SMC2: variants seen among roughly 807,000 people sequenced by gnomAD.
SMC2 encodes structural maintenance of chromosomes protein 2.
A neutral mutation model predicts 142.6 loss-of-function variants in SMC2; 41 were observed. That is an observed-to-expected ratio of 0.29 (90% CI 0.22 to 0.37). The LOEUF is 0.37. SMC2 is among the 10% of genes least tolerant of loss of function. The pLI is 1.00. For synonymous variants in SMC2, 463 were observed against 457.5 expected (o/e 1.01, Z -0.15); for missense variants, 1,265 against 1,373.7 (o/e 0.92, Z 1.25).
chr9:104,097,297 G>T (rs1458163132), intron 3 of SMC2, among the ~76,000 whole-genome samples: 1 of 150,738 alleles, frequency 6.6e-6, no homozygotes, highest in African/African-American at 2.4e-5. Flanking sequence ...TAGTAGAGAC[G>T]GGATTTCGCT....
intron 9 of SMC2, among the ~76,000 whole-genome samples, chr9:104,105,096 AGTT>A (rs374700713): frequency 2.6e-5 from 4 of 152,366 alleles, no homozygotes; most frequent in African/African-American, 9.6e-5. Flanking sequence ...GGTTTAGAGC[AGTT>A]GTCTAAAACA....
Position 104,120,080 on chromosome 9 carries a change from G to A in SMC2, c.2050G>A (p.Val684Ile), listed in dbSNP as rs780902402. The A allele has an allele frequency of 8.7e-6, 14 of 1,613,874 alleles. No individual in the cohort carries two copies. Among genetic ancestry groups the A allele is most frequent in the Non-Finnish European group, 5.1e-6 (6 of 1,179,940 alleles). The change falls in exon 16 of 25, where the codon GTT (valine) becomes ATT (isoleucine). Residue 684 changes from valine (V) to isoleucine (I), a missense_variant. By Grantham distance (29) the Val-to-Ile change is conservative. Transcript: ENST00000374793. ...ILTKFQELKD[V>I]QDELRIKENE... is the part of the protein sequence containing the mutation. ...AACCAAGTTTCAAGAACTCAAAGAT[G>A]TTCAGGATGAACTGAGAATCAAAGA...
rs1282894251 is a variant in SMC2 at position 104,104,060 on chromosome 9, A to T, written c.1020+1487A>T. The stretch of plus-strand genomic sequence containing the variant: ...TCATCCTTCTTTTCTGTATCCCCTT[A>T]TTCTTCTAGATCTCTTAATGTTAGT... On this transcript the variant is annotated intron_variant, in intron 9 of 24. Coordinates refer to ENST00000374793, the MANE Select transcript of SMC2 (RefSeq NM_006444.3). 2.0e-5 allele frequency among the ~76,000 whole-genome samples: 3 copies of T among 151,864 alleles called. No homozygotes were observed. The East Asian group carries it at 5.8e-4, about 29-fold the overall frequency.
At chr9:104,091,038 T>A (rs1437691665), upstream of SMC2, among the ~76,000 whole-genome samples, 1 of 152,332 alleles carries the variant, frequency 6.6e-6, no homozygotes, top group East Asian at 1.9e-4. Context: ...CCTCCTTTTC[T>A]ATTCCTCATT....
At chr9:104,123,785 T>C (rs1439839087) in intron 17 of SMC2, among the ~76,000 whole-genome samples, 1 of 152,212 alleles carries the variant, frequency 6.6e-6, no homozygotes, top group Non-Finnish European at 1.5e-5. Flanking sequence ...TTTGTGTTCA[T>C]AGTATTTTTG....
Position 104,102,051 on chromosome 9 carries a change from A to G in SMC2, c.728A>G (p.Glu243Gly). ...ATTGCTTATCAGTTTTTGCTGGCTG[A>G]AGATACCAAAGTACGCTCAGCTGAG... ...LYIAYQFLLA[E>G]DTKVRSAEEL... Residue 243 changes from glutamate to glycine, a missense_variant, in exon 8 of 25, where the codon GAA (glutamate) becomes GGA (glycine). Glu to Gly is a moderately conservative substitution (Grantham distance 98, BLOSUM62 -2). Transcript: ENST00000374793. The G allele has an allele frequency of 6.2e-7, 1 of 1,609,588 alleles. No homozygotes were observed. The highest frequency in any genetic ancestry group is 8.5e-7 in the Non-Finnish European group (1 of 1,177,012).
At position 104,141,084 on chromosome 9, in the gene SMC2, T is replaced by C. The variant is rs913601291; in HGVS notation, c.*1769T>C. ...CATTAGAGGGAAGACATTAAGGGGATTGGGGACATTTGTTTCACACATCTG... is the reference window on the plus strand; with the variant it reads ...CATTAGAGGGAAGACATTAAGGGGACTGGGGACATTTGTTTCACACATCTG... On this transcript the variant is annotated 3_prime_UTR_variant, in exon 25 of 25. Transcript: ENST00000374793. 1.1e-4 allele frequency: 17 copies of C among 152,186 alleles called. No homozygotes were observed. Among genetic ancestry groups the C allele is most frequent in the African/African-American group, 4.1e-4 (17 of 41,440 alleles). 9.4% of individuals were successfully genotyped at this position (152,186 alleles called of 1,614,324 possible).
At position 104,101,253 on chromosome 9, in the gene SMC2, T is replaced by C. The variant is rs75407646; in HGVS notation, c.637-707T>C. 7.2e-5 allele frequency among the ~76,000 whole-genome samples: 11 copies of C among 152,310 alleles called. No individual in the cohort carries two copies. In the East Asian group the frequency reaches 1.9e-3, roughly 27 times the overall value. ...CCCAGCCAAACGACGTTTTTAAAGC[T>C]ATCTCCTTTTAGGAATTTATTAAAT... On this transcript the variant is annotated intron_variant, in intron 7 of 24. Coordinates refer to ENST00000374793, the MANE Select transcript of SMC2 (RefSeq NM_006444.3).
intron 9 of SMC2, among the ~76,000 whole-genome samples, chr9:104,110,492 G>A (rs1336113728): frequency 3.0e-4 from 46 of 152,142 alleles, no homozygotes; most frequent in Admixed American, 3.0e-3. Context: ...TAAGGCTTTG[G>A]TTAACAGTAG....
chr9:104,137,830 A>G (rs1835716382), intron 23 of SMC2, among the ~76,000 whole-genome samples, 188 bp from the exon 24 acceptor site: 1 of 143,374 alleles, frequency 7.0e-6, no homozygotes, highest in East Asian at 1.9e-4. Context: ...ATGGAAAGCT[A>G]AAATAAAAGA....
Position 104,097,369 on chromosome 9 carries a change from G to T in SMC2, c.318+1072G>T, listed in dbSNP as rs138945982. On this transcript the variant is annotated intron_variant, in intron 3 of 24. Coordinates refer to ENST00000374793, the MANE Select transcript of SMC2 (RefSeq NM_006444.3). ...GATCTGCCCGCCTTGGCCTCCCAAA[G>T]TGCTAGGATTACAGGTGTGAGCCAC... Among the ~76,000 whole-genome samples the T allele has an allele frequency of 4.9e-4, 75 of 151,524 alleles. 1 individual carries two copies. Among genetic ancestry groups the T allele is most frequent in the African/African-American group, 1.8e-3 (75 of 41,312 alleles).
At chr9:104,093,006 A>C (rs2131256084), upstream of SMC2, 1 of 152,340 alleles carries the variant, frequency 6.6e-6, no homozygotes, top group African/African-American at 2.4e-5. Flanking sequence ...CAGAGCCAGA[A>C]GGTGCTATCC....
intron 9 of SMC2, among the ~76,000 whole-genome samples, chr9:104,104,844 A>G (rs1414307277): frequency 1.4e-4 from 21 of 152,262 alleles, no homozygotes; most frequent in Admixed American, 1.3e-3. Context: ...TTGTTGAGCC[A>G]TAGCCAGAAT....
At chr9:104,136,803 A>AT (rs1376396895) in intron 23 of SMC2, among the ~76,000 whole-genome samples, 38 of 136,178 alleles carry the variant, frequency 2.8e-4, no homozygotes, top group Non-Finnish European at 1.6e-5. Context: ...TTGTGCACAC[A>AT]TTTTTTCCCT....
At position 104,113,405 on chromosome 9, in the gene SMC2, A is replaced by G; in HGVS notation, c.1344A>G (p.Gln448=). 1.9e-6 allele frequency: 3 copies of G among 1,610,138 alleles called. No homozygotes were observed. The highest frequency in any genetic ancestry group is 2.5e-6 in the Non-Finnish European group (3 of 1,178,406). Residue 448 remains glutamine, a synonymous_variant, in exon 11 of 25, where the codon CAA becomes CAG. Coordinates refer to ENST00000374793, the MANE Select transcript of SMC2 (RefSeq NM_006444.3). ...KKMDSGYRKD[Q]EALEAVKRLK... ...TGGATAGTGGCTACAGGAAGGATCA[A>G]GAAGCTCTAGAAGCTGTAAAAAGAC...
At position 104,094,461 on chromosome 9, in the gene SMC2, C is replaced by T; in HGVS notation, c.-78C>T. On this transcript the variant is annotated 5_prime_UTR_variant, in exon 1 of 25. Transcript: ENST00000374793. ...AGGAGCTTTTGGGGTGCGTCAAGCC[C>T]CTGGCCTGAGGCAGCGGTGAGGCGT... 2.5e-6 allele frequency: 1 copy of T among 395,948 alleles called. No homozygotes were observed. Among genetic ancestry groups the T allele is most frequent in the Non-Finnish European group, 4.5e-6 (1 of 224,590 alleles). 24.5% of individuals were successfully genotyped at this position (395,948 alleles called of 1,614,324 possible). A position where few individuals can be genotyped will look rare whatever the true frequency, so the allele number is the denominator to read the frequency against.
intron 23 of SMC2, among the ~76,000 whole-genome samples, chr9:104,137,478 A>C (rs1835672618): frequency 6.6e-6 from 1 of 152,166 alleles, no homozygotes. Context: ...TGATGTACTT[A>C]GAGTAATGGC....
chr9:104,120,168 A>G lies in SMC2; in HGVS notation c.2132+6A>G. 6.3e-7 allele frequency: 1 copy of G among 1,591,226 alleles called. No individual in the cohort carries two copies. Among genetic ancestry groups the G allele is most frequent in the Middle Eastern group, 1.7e-4 (1 of 5,956 alleles). On this transcript the variant is annotated splice_donor_region_variant and intron_variant, in intron 16 of 24. Transcript: ENST00000374793. ...CTTAAAAACACTGCTGAAAAGTAAG[A>G]ACTGCATATACTTTTTTTAATTAAA...
intron 22 of SMC2, among the ~76,000 whole-genome samples, chr9:104,134,029 G>A (rs939843050): frequency 9.2e-5 from 14 of 152,036 alleles, no homozygotes; most frequent in African/African-American, 3.1e-4. Flanking sequence ...TGATACAATT[G>A]TGTGTATCTT....
Sources: allele counts gnomAD v4.1 joint callset (sites outside exome capture counted in the v4.1 genomes callset), GRCh38; gene constraint gnomAD v4.1.1; transcripts MANE v1.5; gene names NCBI Gene and HGNC (gene_info 2026-07-23, HGNC 2026-07-21).